Variants in EPHA6 observed in about 807,000 individuals in gnomAD.
EPHA6 encodes EPH receptor A6.
A neutral mutation model predicts 112.0 loss-of-function variants in EPHA6; 50 were observed. The observed-to-expected ratio is 0.45, with a 90% CI of 0.36 to 0.56. The LOEUF is 0.56. EPHA6 is among the 20% of genes least tolerant of loss of function. The pLI, the probability that EPHA6 is intolerant of heterozygous loss-of-function variation, is 0.00. For synonymous variants in EPHA6, 529 were observed against 490.7 expected (o/e 1.08, Z -1.03); for missense variants, 1,280 against 1,417.4 (o/e 0.90, Z 1.56).
At chr3:97,297,515 AAAACT>A (rs2080916614) in intron 5 of EPHA6, among the ~76,000 whole-genome samples, 1 of 152,162 alleles carries the variant, frequency 6.6e-6, no homozygotes, top group African/African-American at 2.4e-5. Flanking sequence ...GTGATTGTGT[AAAACT>A]CATGGAGTTT....
rs1432434853 is a variant in EPHA6, at chr3:97,758,346, TA to T, written c.*9647del. On this transcript the variant is annotated 3_prime_UTR_variant, in exon 18 of 18. Coordinates refer to ENST00000389672, the MANE Select transcript of EPHA6 (RefSeq NM_001080448.3). ...TTAGTGTTTACCTCTTTAAACTATA[TA>T]ACAAATATAACCGTAGCAACAACAA... Among the ~76,000 whole-genome samples, 1 of 151,564 alleles carries T rather than the reference TA, an allele frequency of 6.6e-6. No individual in the cohort carries two copies. The highest frequency in any genetic ancestry group is 1.5e-5 in the Non-Finnish European group (1 of 67,878).
At chr3:97,678,542 G>A (rs1385495915) in intron 14 of EPHA6, among the ~76,000 whole-genome samples, 6 of 152,120 alleles carry the variant, frequency 3.9e-5, no homozygotes, top group African/African-American at 1.4e-4. Context: ...TGAATATTAA[G>A]GGTATCTGAA....
At chr3:97,422,985 G>A (rs755458063) in intron 6 of EPHA6, among the ~76,000 whole-genome samples, 1 of 152,104 alleles carries the variant, frequency 6.6e-6, no homozygotes, top group South Asian at 2.1e-4. Flanking sequence ...AACAAACAAG[G>A]CATTGAAGGA....
intron 3 of EPHA6, among the ~76,000 whole-genome samples, chr3:97,166,463 T>A (rs2076546031): frequency 6.6e-6 from 1 of 151,712 alleles, no homozygotes; most frequent in Non-Finnish European, 1.5e-5. Context: ...CACGAGTAGG[T>A]GATTTATTAA....
At chr3:97,598,841 A>C (rs1029681502) in intron 12 of EPHA6, among the ~76,000 whole-genome samples, 1 of 151,860 alleles carries the variant, frequency 6.6e-6, no homozygotes, top group African/African-American at 2.4e-5. Context: ...GAATCGCCAC[A>C]CTGACTTCCA....
chr3:96,856,964 T>C (rs139562016), intron 1 of EPHA6, among the ~76,000 whole-genome samples: 1 of 152,282 alleles, frequency 6.6e-6, no homozygotes, highest in East Asian at 1.9e-4. Flanking sequence ...TAAATATTAA[T>C]CTTCTCAGTC....
intron 2 of EPHA6, among the ~76,000 whole-genome samples, chr3:96,881,110 T>C (rs2037288503): frequency 6.6e-6 from 1 of 152,182 alleles, no homozygotes; most frequent in Non-Finnish European, 1.5e-5. Flanking sequence ...TTTTCCATAG[T>C]GGCTGAACTA....
At chr3:97,399,244 G>A (rs1388234757) in intron 5 of EPHA6, among the ~76,000 whole-genome samples, 2 of 151,446 alleles carry the variant, frequency 1.3e-5, no homozygotes, top group Non-Finnish European at 3.0e-5. Flanking sequence ...TGGCCTCCAG[G>A]CTCATCCATG....
At chr3:96,989,600 G>A (rs1328664728) in intron 3 of EPHA6, among the ~76,000 whole-genome samples, 1 of 152,130 alleles carries the variant, frequency 6.6e-6, no homozygotes, top group Non-Finnish European at 1.5e-5. Flanking sequence ...GAAGGAAAGA[G>A]TTTTAAATGG....
chr3:96,851,454 C>T (rs1279231807), intron 1 of EPHA6, among the ~76,000 whole-genome samples: 1 of 152,104 alleles, frequency 6.6e-6, no homozygotes, highest in Non-Finnish European at 1.5e-5. Flanking sequence ...CTCATCTGGA[C>T]TCTTAGAATA....
At chr3:97,384,997 T>C (rs544565212) in intron 5 of EPHA6, among the ~76,000 whole-genome samples, 1 of 152,196 alleles carries the variant, frequency 6.6e-6, no homozygotes. Context: ...AGTTGTAGTA[T>C]AAATACCTTC....
intron 3 of EPHA6, among the ~76,000 whole-genome samples, chr3:97,106,714 T>C (rs2047581260): frequency 6.6e-6 from 1 of 152,026 alleles, no homozygotes; most frequent in Admixed American, 6.6e-5. Flanking sequence ...TACTGATGGC[T>C]AAACTAAAAG....
At chr3:97,128,081 G>A (rs991727878) in intron 3 of EPHA6, among the ~76,000 whole-genome samples, 1 of 151,934 alleles carries the variant, frequency 6.6e-6, no homozygotes, top group Non-Finnish European at 1.5e-5. Flanking sequence ...CCATAGCTCA[G>A]CTCCTACTTA....
At chr3:96,897,653 G>A (rs1253151226) in intron 2 of EPHA6, among the ~76,000 whole-genome samples, 1 of 152,180 alleles carries the variant, frequency 6.6e-6, no homozygotes, top group Non-Finnish European at 1.5e-5. Context: ...TAAACAGAAA[G>A]TCGAATGCAG....
At chr3:97,313,507 A>G (rs1055096245) in intron 5 of EPHA6, among the ~76,000 whole-genome samples, 2 of 151,628 alleles carry the variant, frequency 1.3e-5, no homozygotes, top group Non-Finnish European at 3.0e-5. Context: ...CAAACATTGT[A>G]CAAGGGTTCC....
intron 2 of EPHA6, among the ~76,000 whole-genome samples, chr3:96,943,812 GCATA>G (rs2041108239): frequency 6.6e-6 from 1 of 152,054 alleles, no homozygotes; most frequent in African/African-American, 2.4e-5. Context: ...GAGGCTAGCA[GCATA>G]TGTTATGCTG....
chr3:96,884,447 T>TA (rs2037504445), intron 2 of EPHA6, among the ~76,000 whole-genome samples: 1 of 152,172 alleles, frequency 6.6e-6, no homozygotes, highest in African/African-American at 2.4e-5. Context: ...CTTGGTTAGG[T>TA]ATATTCCTGA....
At chr3:96,960,804 A>G (rs2041924409) in intron 2 of EPHA6, among the ~76,000 whole-genome samples, 1 of 152,134 alleles carries the variant, frequency 6.6e-6, no homozygotes, top group African/African-American at 2.4e-5. Flanking sequence ...TCCAAGAAGC[A>G]TGCTTATAGT....
intron 14 of EPHA6, among the ~76,000 whole-genome samples, chr3:97,678,578 G>A (rs1177384356): frequency 1.3e-5 from 2 of 152,136 alleles, no homozygotes; most frequent in Non-Finnish European, 2.9e-5. Flanking sequence ...TGCTGTGAAA[G>A]CAGAGAATCC....
Sources: gnomAD v4.1 joint callset for allele counts (sites outside exome capture counted in the v4.1 genomes callset) on GRCh38, gnomAD v4.1.1 for gene constraint, MANE v1.5 for transcripts, NCBI Gene and HGNC (gene_info 2026-07-23, HGNC 2026-07-21) for gene names.